The following HTT variants were observed in gnomAD, a reference collection of about 807,000 sequenced individuals.
HTT encodes the protein huntington disease protein.
In HTT, 104 loss-of-function variants were observed where a neutral mutation model predicts 362.3. The ratio of observed to expected loss-of-function variants is 0.29; its 90% CI spans 0.24 to 0.34. The LOEUF is 0.34. Among genes scored for constraint, HTT ranks in the 10% least tolerant of loss-of-function variants. The pLI, the probability that HTT is intolerant of heterozygous loss-of-function variation, is 1.00. For synonymous variants in HTT, 1,577 were observed against 1,548.7 expected (o/e 1.02, Z -0.43); for missense variants, 3,301 against 3,928.6 (o/e 0.84, Z 4.27).
intron 5 of HTT, among the ~76,000 whole-genome samples, chr4:3,106,646 A>G (rs1170690378): frequency 6.6e-6 from 1 of 152,090 alleles, no homozygotes. Context: ...TTGACTCATT[A>G]GTCTGATTAG....
chr4:3,214,605 A>G (rs3025823), intron 50 of HTT, among the ~76,000 whole-genome samples: 3,027 of 152,344 alleles, frequency 0.02, 90 homozygotes, highest in African/African-American at 0.065. Flanking sequence ...AAGGGTCATT[A>G]GCCACAATTT....
chr4:3,207,422 G>C (rs1719920777), intron 45 of HTT, 65 bp downstream of exon 45: 5 of 1,312,750 alleles, frequency 3.8e-6, no homozygotes, highest in Non-Finnish European at 5.4e-6. Flanking sequence ...ATATAGATTT[G>C]TACGGGAATA....
In HTT at chr4:3,175,635, G is replaced by A. The variant is rs567843139; in HGVS notation, c.4407+528G>A. Among the ~76,000 whole-genome samples, 56 of 152,306 alleles carry A rather than the reference G, an allele frequency of 3.7e-4. No homozygotes were observed. The South Asian group carries it at 9.5e-3, about 26-fold the overall frequency. On this transcript the variant is annotated intron_variant, in intron 33 of 66. Coordinates refer to ENST00000355072, the MANE Select transcript of HTT (RefSeq NM_001388492.1). ...TGTGGCTCTGCACAAGCATTTGCAC[G>A]CTTCCCCTCTTGACTGCATTACCTT...
At position 3,078,883 on chromosome 4, in the gene HTT, T is replaced by C. The variant is rs190204053; in HGVS notation, c.263+3795T>C. ...CCAAGTAGCTGGGACTACAGGCGCC[T>C]GCCACCACGTCCAGCTAATTTTTTT... is the stretch of plus-strand genomic sequence containing the variant. On this transcript the variant is annotated intron_variant, in intron 1 of 66. Coordinates refer to ENST00000355072, the MANE Select transcript of HTT (RefSeq NM_001388492.1). Among the ~76,000 whole-genome samples, 77 of 152,288 alleles carry C rather than the reference T, an allele frequency of 5.1e-4. 1 individual carries two copies. The highest frequency in any genetic ancestry group is 1.7e-3 in the South Asian group (8 of 4,818).
intron 6 of HTT, among the ~76,000 whole-genome samples, chr4:3,107,859 T>TGG (rs879820322): frequency 6.6e-6 from 1 of 152,160 alleles, no homozygotes; most frequent in African/African-American, 2.4e-5. Context: ...CAAACCCACT[T>TGG]TAGTGTTTTG....
intron 2 of HTT, 60 bp downstream of exon 2, chr4:3,087,082 G>C: frequency 3.5e-6 from 3 of 868,404 alleles, no homozygotes; most frequent in Non-Finnish European, 3.7e-6. Context: ...CAGTCTTAAT[G>C]GGCTAGAATA....
chr4:3,176,159 C>G (rs574259110), intron 33 of HTT, among the ~76,000 whole-genome samples: 1 of 152,034 alleles, frequency 6.6e-6, no homozygotes, highest in South Asian at 2.1e-4. Context: ...TCCCGAGTAG[C>G]TGGGACTACA....
At chr4:3,202,855 A>C (rs1384957401) in intron 41 of HTT, among the ~76,000 whole-genome samples, 1 of 152,190 alleles carries the variant, frequency 6.6e-6, no homozygotes, top group Admixed American at 6.5e-5. Flanking sequence ...CCAGAAAAAA[A>C]AAATTTAAAA....
At chr4:3,224,596 T>C (rs1450983863) in intron 56 of HTT, among the ~76,000 whole-genome samples, 1 of 152,092 alleles carries the variant, frequency 6.6e-6, no homozygotes, top group Admixed American at 6.5e-5. Flanking sequence ...CACCAAGCCT[T>C]CCGGTTGTGT....
intron 41 of HTT, among the ~76,000 whole-genome samples, chr4:3,202,541 A>G (rs1719631384): frequency 6.6e-6 from 1 of 152,182 alleles, no homozygotes; most frequent in African/African-American, 2.4e-5. Flanking sequence ...AGTAAAATGT[A>G]CTTTTCTATC....
intron 38 of HTT, among the ~76,000 whole-genome samples, chr4:3,187,435 G>C (rs1560585313): frequency 6.6e-6 from 1 of 152,222 alleles, no homozygotes; most frequent in Non-Finnish European, 1.5e-5. Context: ...GATTACAGGT[G>C]GCTCTCGCAC....
Position 3,180,582 on chromosome 4 carries a change from A to G in HTT, c.4680A>G (p.Ala1560=). Reference sequence around the variant, plus strand: ...TAAGAGGAACAAATAAAGCTGATGCAGGAAAAGAGCTTGAAACCCAAAAAG... The same window carrying G: ...TAAGAGGAACAAATAAAGCTGATGCGGGAAAAGAGCTTGAAACCCAAAAAG... ...FVLRGTNKAD[A]GKELETQKEV... is the part of the protein sequence containing the mutation. The change falls in exon 36 of 67, where the codon GCA becomes GCG. Residue 1560 remains alanine (A), a synonymous_variant. Transcript: ENST00000355072. The G allele has an allele frequency of 6.2e-7, 1 of 1,613,676 alleles. No individual in the cohort carries two copies. Among genetic ancestry groups the G allele is most frequent in the Non-Finnish European group, 8.5e-7 (1 of 1,179,822 alleles).
intron 1 of HTT, among the ~76,000 whole-genome samples, chr4:3,085,029 A>T (rs1306771843): frequency 6.6e-6 from 1 of 151,562 alleles, no homozygotes; most frequent in Non-Finnish European, 1.5e-5. Context: ...AAAAAAAAAA[A>T]TAAATAAATA....
At chr4:3,096,553 A>T (rs998249000) in intron 2 of HTT, among the ~76,000 whole-genome samples, 1 of 152,268 alleles carries the variant, frequency 6.6e-6, no homozygotes, top group South Asian at 2.1e-4. Flanking sequence ...GGAATATATT[A>T]TAGGAAGATA....
intron 1 of HTT, among the ~76,000 whole-genome samples, chr4:3,075,654 G>GGGGGGGGGGGA: frequency 7.1e-6 from 1 of 141,718 alleles, no homozygotes; most frequent in Non-Finnish European, 1.5e-5. Context: ...GGGCAGGGGG[G>GGGGGGGGGGGA]GGGCGGGGAG....
intron 24 of HTT, among the ~76,000 whole-genome samples, 175 bp from the exon 25 acceptor site, chr4:3,146,621 AT>A (rs1189169047): frequency 1.3e-5 from 2 of 152,216 alleles, no homozygotes; most frequent in Non-Finnish European, 2.9e-5. Flanking sequence ...TTCTCAAATG[AT>A]TTTTATGGAG....
At chr4:3,212,430 G>A (rs1191767697) in intron 48 of HTT, 134 bp from the exon 49 acceptor site, 3 of 1,172,282 alleles carry the variant, frequency 2.6e-6, no homozygotes, top group Admixed American at 2.0e-5. Flanking sequence ...TCCTGTGGAC[G>A]GATGTGTAGA....
At chr4:3,144,934 C>A (rs1215220035) in intron 23 of HTT, among the ~76,000 whole-genome samples, 2 of 151,928 alleles carry the variant, frequency 1.3e-5, no homozygotes, top group Middle Eastern at 3.4e-3. Context: ...AGCACAGGAA[C>A]CTCTCTTCAT....
rs186362196 is a variant in HTT at position 3,077,251 on chromosome 4, A to G, written c.263+2163A>G. ...CATGATACAAATTCTGTAATTACAA[A>G]AGGGCAATAATTAAAATATCTTCCT... On this transcript the variant is annotated intron_variant, in intron 1 of 66. Transcript: ENST00000355072. Among the ~76,000 whole-genome samples the G allele has an allele frequency of 1.7e-3, 253 of 152,196 alleles. 1 individual carries two copies. Among genetic ancestry groups the G allele is most frequent in the African/African-American group, 5.8e-3 (241 of 41,522 alleles).
Sources: allele counts gnomAD v4.1 joint callset (sites outside exome capture counted in the v4.1 genomes callset), GRCh38; gene constraint gnomAD v4.1.1; transcripts MANE v1.5; gene names NCBI Gene and HGNC (gene_info 2026-07-23, HGNC 2026-07-21).